Variants in TRAF3 observed in about 807,000 individuals in gnomAD.
TRAF3 encodes the protein TNF receptor-associated factor 3.
TRAF3 carries 13 observed loss-of-function variants against 62.3 expected under a neutral mutation model. The ratio of observed to expected loss-of-function variants is 0.21; its 90% confidence interval spans 0.14 to 0.33. The LOEUF (loss-of-function observed/expected upper bound fraction) is 0.33. Ranked by LOEUF, TRAF3 falls within the 10% of genes least tolerant of loss-of-function variation. TRAF3 has a pLI of 1.00. For missense variants in TRAF3, 440 were observed against 741.8 expected, an observed-to-expected ratio of 0.59 and a Z score of 4.73; for synonymous variants, 269 against 283.4, an observed-to-expected ratio of 0.95 and a Z score of 0.51.
rs928756444 is a variant in TRAF3, at chr14:102,826,582, A to C, written c.-156-3752A>C. On this transcript the variant is annotated intron_variant, in intron 1 of 11. Transcript: ENST00000392745. The surrounding 1 kb of genome is among the most constrained non-coding windows in gnomAD (Gnocchi z 4.6). ...AGGTTAGGTAGCCAGAGACAAGGCA[A>C]AGAAGGGCCATTTTCATCAGAGAAC... Among the ~76,000 whole-genome samples, 7 of 152,164 alleles carry C rather than the reference A, an allele frequency of 4.6e-5. No homozygotes were observed. The highest frequency in any genetic ancestry group is 1.7e-4 in the African/African-American group (7 of 41,434).
intron 2 of TRAF3, among the ~76,000 whole-genome samples, chr14:102,846,638 TAAAAAAAAAAAAAAA>T (rs752922791): frequency 5.6e-5 from 4 of 71,786 alleles, no homozygotes; most frequent in Non-Finnish European, 1.0e-4. Context: ...TCCAGCTTCT[TAAAAAAAAAAAAAAA>T]AAAAAAAAAA....
chr14:102,814,282 T>C (rs1899378696), intron 1 of TRAF3, among the ~76,000 whole-genome samples: 1 of 152,184 alleles, frequency 6.6e-6, no homozygotes, highest in African/African-American at 2.4e-5. Flanking sequence ...TGTATCTGTT[T>C]TTATAGACAC....
At chr14:102,798,685 G>T (rs1898230698) in intron 1 of TRAF3, among the ~76,000 whole-genome samples, 1 of 152,172 alleles carries the variant, frequency 6.6e-6, no homozygotes, top group Admixed American at 6.5e-5. Context: ...ATGTTGCCCA[G>T]GCTGGTCTCA....
Position 102,891,400 on chromosome 14 carries a change from A to T in TRAF3, c.802A>T (p.Asn268Tyr), listed in dbSNP as rs763271165. The change falls in exon 9 of 12, where the codon AAC (asparagine) becomes TAC (tyrosine). Residue 268 changes from asparagine (N) to tyrosine (Y), a missense_variant. This residue lies in a region of TRAF3 where 255 missense variants were observed against 424.1 expected (regional missense o/e 0.60). Coordinates refer to ENST00000392745, the MANE Select transcript of TRAF3 (RefSeq NM_145725.3). Reference sequence around the variant, plus strand: ...CGTCAACCTGCTGAAGGAGTGGAGCAACTCGCTCGAAAAGAAGGTGGGCTG... The same window carrying T: ...CGTCAACCTGCTGAAGGAGTGGAGCTACTCGCTCGAAAAGAAGGTGGGCTG... The part of the protein sequence containing the change: ...QHVNLLKEWS[N>Y]SLEKKVSLLQ... 1 of 1,612,596 alleles carries T rather than the reference A, an allele frequency of 6.2e-7. No homozygotes were observed. The highest frequency in any genetic ancestry group is 1.7e-5 in the Admixed American group (1 of 59,912).
At chr14:102,836,381 A>G (rs1886006457) in intron 2 of TRAF3, among the ~76,000 whole-genome samples, 1 of 152,256 alleles carries the variant, frequency 6.6e-6, no homozygotes, top group Admixed American at 6.5e-5. Flanking sequence ...TGAGAATAGA[A>G]TATTTTATGT....
intron 2 of TRAF3, among the ~76,000 whole-genome samples, chr14:102,837,083 T>A (rs952647747): frequency 2.0e-5 from 3 of 151,900 alleles, no homozygotes; most frequent in African/African-American, 7.3e-5. Flanking sequence ...GTACTCAATT[T>A]TCATATTAGA....
At chr14:102,869,403 C>T (rs959504443) in intron 2 of TRAF3, among the ~76,000 whole-genome samples, 20 of 152,216 alleles carry the variant, frequency 1.3e-4, no homozygotes, top group Non-Finnish European at 2.2e-4. Flanking sequence ...TGGCTGAGAA[C>T]AGCTGTTGTT....
chr14:102,814,198 G>A (rs745431303), intron 1 of TRAF3, among the ~76,000 whole-genome samples: 10 of 152,118 alleles, frequency 6.6e-5, no homozygotes, highest in African/African-American at 1.9e-4. Flanking sequence ...TGTTCTTGGC[G>A]CCTTTGTCAA....
intron 4 of TRAF3, among the ~76,000 whole-genome samples, chr14:102,872,883 G>A (rs914537966): frequency 6.6e-6 from 1 of 151,754 alleles, no homozygotes; most frequent in African/African-American, 2.4e-5. Flanking sequence ...GTAGAGACGG[G>A]GTTTCACCGT....
rs138670849 is a variant in TRAF3, at chr14:102,801,121, G to A, written c.-157+23446G>A. On this transcript the variant is annotated intron_variant, in intron 1 of 11. Coordinates refer to ENST00000392745, the MANE Select transcript of TRAF3 (RefSeq NM_145725.3). ...GCGGAGCTTGCAGTGAGCGGAGATCGCGCCACGGCACTCCCGCCTGGGCGA... is the reference window on the plus strand; with the variant it reads ...GCGGAGCTTGCAGTGAGCGGAGATCACGCCACGGCACTCCCGCCTGGGCGA... Among the ~76,000 whole-genome samples, 1,126 of 152,304 alleles carry A rather than the reference G, an allele frequency of 7.4e-3. 22 individuals carry two copies. Among genetic ancestry groups the A allele is most frequent in the African/African-American group, 0.025 (1,042 of 41,564 alleles).
chr14:102,866,274 G>A (rs766820327), intron 2 of TRAF3, among the ~76,000 whole-genome samples: 18 of 152,222 alleles, frequency 1.2e-4, no homozygotes, highest in African/African-American at 3.9e-4. Flanking sequence ...ACTGGGGCCT[G>A]TCGGAGGGTG....
At chr14:102,834,068 C>T (rs1056305551) in intron 2 of TRAF3, among the ~76,000 whole-genome samples, 4 of 151,986 alleles carry the variant, frequency 2.6e-5, no homozygotes, top group Non-Finnish European at 5.9e-5. Flanking sequence ...AGCAGATTAC[C>T]GAGGACCTTC....
intron 1 of TRAF3, among the ~76,000 whole-genome samples, chr14:102,805,550 C>T (rs979254271): frequency 6.6e-6 from 1 of 152,158 alleles, no homozygotes; most frequent in Admixed American, 6.5e-5. Flanking sequence ...GCTGAGTCAT[C>T]GCTGCCCAAG....
intron 1 of TRAF3, among the ~76,000 whole-genome samples, chr14:102,807,144 G>T (rs1416595040): frequency 1.3e-5 from 2 of 152,164 alleles, no homozygotes; most frequent in Non-Finnish European, 1.5e-5. Context: ...CTGTCAGAGA[G>T]ATCTAAACAT....
chr14:102,862,021 C>T (rs1048273090), intron 2 of TRAF3, among the ~76,000 whole-genome samples: 1 of 152,146 alleles, frequency 6.6e-6, no homozygotes. Flanking sequence ...TTGATAATCT[C>T]ATTTGGTGCT....
At chr14:102,843,704 CAGG>C (rs1886520513) in intron 2 of TRAF3, among the ~76,000 whole-genome samples, 1 of 152,008 alleles carries the variant, frequency 6.6e-6, no homozygotes, top group African/African-American at 2.4e-5. Flanking sequence ...GCACTTTGGG[CAGG>C]AGGAGAGGGC....
Position 102,880,281 on chromosome 14 carries a change from C to A in TRAF3, c.570+3756C>A, listed in dbSNP as rs1021217525. On this transcript the variant is annotated intron_variant, in intron 6 of 11. Coordinates refer to ENST00000392745, the MANE Select transcript of TRAF3 (RefSeq NM_145725.3). Reference sequence around the variant, plus strand: ...ATTGCTTGAGGCCAGGAGTTCAAAACCAGCCTGGGCAACAAAGTGAGACCC... The same window carrying A: ...ATTGCTTGAGGCCAGGAGTTCAAAAACAGCCTGGGCAACAAAGTGAGACCC... 2.0e-5 allele frequency among the ~76,000 whole-genome samples: 3 copies of A among 152,136 alleles called. No individual in the cohort carries two copies. In the East Asian group the frequency reaches 5.8e-4, roughly 29 times the overall value.
intron 1 of TRAF3, among the ~76,000 whole-genome samples, chr14:102,799,696 G>A (rs1190026091): frequency 2.0e-5 from 3 of 152,142 alleles, no homozygotes; most frequent in Non-Finnish European, 4.4e-5. Context: ...AAGGACCTGC[G>A]TGCCTTGGCA....
chr14:102,839,335 C>CA (rs1406129583), intron 2 of TRAF3, among the ~76,000 whole-genome samples: 2 of 150,080 alleles, frequency 1.3e-5, no homozygotes, highest in African/African-American at 4.9e-5. Context: ...TCTCCTGCCT[C>CA]AGCCTTCTGA....
Sources: gnomAD v4.1 joint callset for allele counts (sites outside exome capture counted in the v4.1 genomes callset) on GRCh38, gnomAD v4.1.1 for gene constraint, gnomAD v4.1.1 regional missense constraint, Gnocchi (gnomAD v3.1) non-coding constraint, MANE v1.5 for transcripts, NCBI Gene and HGNC (gene_info 2026-07-23, HGNC 2026-07-21) for gene names.